The following SRRM4 variants were observed in gnomAD, a reference collection of about 807,000 sequenced individuals.
SRRM4 encodes the protein serine/arginine repetitive matrix 4.
In SRRM4, 33 loss-of-function variants were observed where a neutral mutation model predicts 68.9. The observed-to-expected ratio is 0.48, with a 90% CI of 0.36 to 0.64. The LOEUF (loss-of-function observed/expected upper bound fraction) is 0.64. SRRM4 is among the 30% of genes least tolerant of loss of function. The pLI is 0.00. For missense variants in SRRM4, 817 were observed against 827.1 expected, an observed-to-expected ratio of 0.99 and a Z score of 0.15; for synonymous variants, 318 against 318.8, an observed-to-expected ratio of 1.00 and a Z score of 0.03.
intron 1 of SRRM4, among the ~76,000 whole-genome samples, chr12:119,063,953 G>T (rs1213186336): frequency 6.6e-6 from 1 of 152,152 alleles, no homozygotes; most frequent in Non-Finnish European, 1.5e-5. Context: ...AACATACCAT[G>T]ATCCTGGGCT....
At chr12:119,042,956 G>A (rs1365567308) in intron 1 of SRRM4, among the ~76,000 whole-genome samples, 1 of 152,150 alleles carries the variant, frequency 6.6e-6, no homozygotes, top group Admixed American at 6.5e-5. Context: ...GTGTAAATTA[G>A]TTCCACCATT....
rs1392036725 is a variant in SRRM4 at position 119,162,110 on chromosome 12, G to C, written c.*5312G>C. On this transcript the variant is annotated 3_prime_UTR_variant, in exon 13 of 13. Transcript: ENST00000267260. ...ATTATCTGCAAGACGTGGGAAATGG[G>C]GGCTCAAGCCCTGATGCTATGGACT... 6.6e-6 allele frequency: 1 copy of C among 152,098 alleles called. No individual in the cohort carries two copies. The highest frequency in any genetic ancestry group is 1.5e-5 in the Non-Finnish European group (1 of 68,024). The allele number at this position is 152,098 out of a possible 1,614,324, so 9.4% of individuals were successfully genotyped here. A position where few individuals can be genotyped will look rare whatever the true frequency, so the allele number is the denominator to read the frequency against.
At position 119,099,129 on chromosome 12, in the gene SRRM4, T is replaced by C. The variant is rs186870468; in HGVS notation, c.132-3107T>C. On this transcript the variant is annotated intron_variant, in intron 1 of 12. Coordinates refer to ENST00000267260, the MANE Select transcript of SRRM4 (RefSeq NM_194286.4). ...AGCCCTTGCTTGCTGTTCCTTATTA[T>C]TATTATTATTATTACTATTGTTATA... Among the ~76,000 whole-genome samples the C allele has an allele frequency of 1.5e-3, 220 of 151,714 alleles. 6 individuals carry two copies. The East Asian group carries it at 0.037, about 26-fold the overall frequency.
chr12:118,982,133 A>G (rs1953251752), intron 1 of SRRM4, 120 bp downstream of exon 1: 1 of 1,253,400 alleles, frequency 8.0e-7, no homozygotes, highest in African/African-American at 1.5e-5. Flanking sequence ...TCCCGTCACT[A>G]CTCGGCGGCT....
At chr12:119,038,886 G>A (rs1443506954) in intron 1 of SRRM4, among the ~76,000 whole-genome samples, 3 of 152,128 alleles carry the variant, frequency 2.0e-5, no homozygotes, top group Non-Finnish European at 2.9e-5. Flanking sequence ...CTGTTATTAC[G>A]GGAGCCAGAG....
At chr12:118,998,244 A>G (rs753741029) in intron 1 of SRRM4, among the ~76,000 whole-genome samples, 57 of 141,838 alleles carry the variant, frequency 4.0e-4, no homozygotes, top group Non-Finnish European at 7.2e-4. Flanking sequence ...GAACTGTGCA[A>G]CTGAGTGGAT....
intron 2 of SRRM4, among the ~76,000 whole-genome samples, chr12:119,107,293 G>A (rs183321591): frequency 1.3e-5 from 2 of 152,234 alleles, no homozygotes; most frequent in East Asian, 3.9e-4. Context: ...TTTTTGTTGT[G>A]TCTCTGCCAG....
chr12:119,058,529 T>C (rs1353000558), intron 1 of SRRM4, among the ~76,000 whole-genome samples: 1 of 152,210 alleles, frequency 6.6e-6, no homozygotes, highest in African/African-American at 2.4e-5. Context: ...TTAGGTACTT[T>C]GAGTCAAAAG....
At chr12:118,992,160 G>A (rs1953320639) in intron 1 of SRRM4, 1 of 152,204 alleles carries the variant, frequency 6.6e-6, no homozygotes, top group Non-Finnish European at 1.5e-5. Context: ...AGACACTGAA[G>A]CCTGCAAAAA....
chr12:119,044,119 G>T (rs926100659), intron 1 of SRRM4, among the ~76,000 whole-genome samples: 1 of 152,104 alleles, frequency 6.6e-6, no homozygotes, highest in South Asian at 2.1e-4. Context: ...CACACGCCTC[G>T]GCCTCCCGAA....
At chr12:119,007,200 A>G (rs1283747432) in intron 1 of SRRM4, among the ~76,000 whole-genome samples, 1 of 152,234 alleles carries the variant, frequency 6.6e-6, no homozygotes, top group African/African-American at 2.4e-5. Context: ...CAATTTAAAA[A>G]TGTGCAGAGT....
chr12:119,112,751 T>C (rs895711686), intron 2 of SRRM4, among the ~76,000 whole-genome samples: 1 of 152,072 alleles, frequency 6.6e-6, no homozygotes, highest in African/African-American at 2.4e-5. Context: ...GAGCTGAACA[T>C]TGAGAACACA....
chr12:119,017,333 C>T (rs763031825), intron 1 of SRRM4, among the ~76,000 whole-genome samples: 6 of 152,206 alleles, frequency 3.9e-5, no homozygotes, highest in South Asian at 2.1e-4. Context: ...CTAAAATTCC[C>T]GGATGCTATG....
At chr12:119,087,786 T>A (rs1953988581) in intron 1 of SRRM4, among the ~76,000 whole-genome samples, 1 of 152,108 alleles carries the variant, frequency 6.6e-6, no homozygotes, top group Admixed American at 6.5e-5. Flanking sequence ...CAGGTCTGTC[T>A]GGAGTGGGGC....
Position 119,079,278 on chromosome 12 carries a change from C to A in SRRM4, c.132-22958C>A, listed in dbSNP as rs549388205. On this transcript the variant is annotated intron_variant, in intron 1 of 12. Transcript: ENST00000267260. ...ATGATGGGCTGAGACTGGATCGTGT[C>A]TGGCCTCCTGAGCCACAGTCGGGAG... 1.1e-4 allele frequency among the ~76,000 whole-genome samples: 17 copies of A among 152,288 alleles called. No individual in the cohort carries two copies. In the South Asian group the frequency reaches 3.1e-3, roughly 28 times the overall value.
At chr12:119,025,428 GTTTT>G (rs74903455) in intron 1 of SRRM4, among the ~76,000 whole-genome samples, 1 of 148,480 alleles carries the variant, frequency 6.7e-6, no homozygotes. Context: ...CATATATGGA[GTTTT>G]TTTTTTTGTT....
intron 1 of SRRM4, among the ~76,000 whole-genome samples, chr12:119,015,011 G>A (rs1953472509): frequency 6.6e-6 from 1 of 152,138 alleles, no homozygotes; most frequent in Non-Finnish European, 1.5e-5. Context: ...CCAACAAAAG[G>A]GGAATTAATA....
At chr12:118,984,416 T>C (rs1953269969) in intron 1 of SRRM4, among the ~76,000 whole-genome samples, 1 of 152,090 alleles carries the variant, frequency 6.6e-6, no homozygotes, top group South Asian at 2.1e-4. Flanking sequence ...GTCGTTTAGT[T>C]CCATGAGTCA....
At chr12:118,983,335 A>G (rs1033231817) in intron 1 of SRRM4, among the ~76,000 whole-genome samples, 7 of 152,200 alleles carry the variant, frequency 4.6e-5, no homozygotes, top group African/African-American at 1.2e-4. Context: ...GCAGGCTTCA[A>G]GCTAAAGCAG....
Sources: gnomAD v4.1 joint callset for allele counts (sites outside exome capture counted in the v4.1 genomes callset) on GRCh38, gnomAD v4.1.1 for gene constraint, MANE v1.5 for transcripts, NCBI Gene and HGNC (gene_info 2026-07-23, HGNC 2026-07-21) for gene names.